Variants in ALS2CL observed in about 807,000 individuals in gnomAD.
ALS2CL encodes ALS2 C-terminal-like protein.
Under a neutral mutation model 127.9 loss-of-function variants are expected in ALS2CL, and 112 were observed. The ratio of observed to expected loss-of-function variants is 0.88; its 90% CI spans 0.75 to 1.02. The LOEUF is 1.02. Among genes scored for constraint, ALS2CL ranks in the 50% least tolerant of loss-of-function variants. ALS2CL has a pLI of 0.00. For missense variants in ALS2CL, 1,174 were observed against 1,236.7 expected (o/e 0.95, Z 0.76); for synonymous variants, 519 against 527.6 (o/e 0.98, Z 0.22).
At position 46,676,290 on chromosome 3, in the gene ALS2CL, T is replaced by A. The variant is rs765823874; in HGVS notation, c.2141A>T (p.Gln714Leu). The A allele has an allele frequency of 3.1e-6, 5 of 1,613,632 alleles. No individual in the cohort carries two copies. The highest frequency in any genetic ancestry group is 3.3e-5 in the Admixed American group (2 of 59,998). Residue 714 changes from glutamine (Q) to leucine (L), a missense_variant, in exon 19 of 26, where the codon CAG becomes CTG. By Grantham distance (113) the Gln-to-Leu change is moderately radical. Coordinates refer to ENST00000318962, the MANE Select transcript of ALS2CL (RefSeq NM_147129.5). The part of the protein sequence containing the change: ...GANKHLQELA[Q>L]EEVKQHAQEL... ...CTGGGCATGCTGCTTCACCTCCTCC[T>A]GGGCCAGCTCCTGCAGGTGCTTGTT...
intron 14 of ALS2CL, 35 bp downstream of exon 14, chr3:46,680,394 CA>C: frequency 6.3e-7 from 1 of 1,590,802 alleles, no homozygotes. Context: ...GAGTGGGGTG[CA>C]AAGAGAGGGA....
chr3:46,687,021 C>T lies in ALS2CL; in HGVS notation c.496G>A (p.Val166Met), dbSNP rs531434171. 3.7e-6 allele frequency: 6 copies of T among 1,605,296 alleles called. No homozygotes were observed. The highest frequency in any genetic ancestry group is 2.2e-5 in the East Asian group (1 of 44,792). The change falls in exon 5 of 26, where the codon GTG becomes ATG. Residue 166 changes from valine (V) to methionine (M), a missense_variant. Coordinates refer to ENST00000318962, the MANE Select transcript of ALS2CL (RefSeq NM_147129.5). ...TCCCCGAGGCTCAGCAGGAGGAGCA[C>T]GTACTGTTGCACGTGATGGGCGAGT... ...QPLAHHVQQYVLLLLSLGDTI... is the reference protein window; with the variant it reads ...QPLAHHVQQYMLLLLSLGDTI...
At chr3:46,684,683 A>T (rs1412115887) in intron 7 of ALS2CL, among the ~76,000 whole-genome samples, 1 of 152,194 alleles carries the variant, frequency 6.6e-6, no homozygotes, top group Non-Finnish European at 1.5e-5. Context: ...CAGGGACAAG[A>T]GATGGCCCAC....
In ALS2CL at chr3:46,686,141, G is replaced by A. The variant is rs1699751764; in HGVS notation, c.666+167C>T. 6.6e-6 allele frequency among the ~76,000 whole-genome samples: 1 copy of A among 152,162 alleles called. No homozygotes were observed. The highest frequency in any genetic ancestry group is 2.1e-4 in the South Asian group (1 of 4,834). ...CAGGACGTGCTCAGCAGACAGATAA[G>A]AATGGCTGGACAGAGGGACCTTACA... is the stretch of plus-strand genomic sequence containing the variant. On this transcript the variant is annotated intron_variant, in intron 6 of 25. Coordinates refer to ENST00000318962, the MANE Select transcript of ALS2CL (RefSeq NM_147129.5). The surrounding 1 kb of genome is among the most constrained non-coding windows in gnomAD (Gnocchi z 4.3).
chr3:46,686,523 C>T lies in ALS2CL; in HGVS notation c.535-84G>A. Reference sequence around the variant, plus strand: ...GTCCTGGTCCCGGCTGGTGGGGAGGCCTGAATCTAGGCCAGACCTTGCCCT... The same window carrying T: ...GTCCTGGTCCCGGCTGGTGGGGAGGTCTGAATCTAGGCCAGACCTTGCCCT... On this transcript the variant is annotated intron_variant, in intron 5 of 25. Transcript: ENST00000318962. This position sits in a 1 kb window ranked among gnomAD's most constrained non-coding sequence, Gnocchi z 4.3. The T allele has an allele frequency of 3.3e-6, 5 of 1,528,646 alleles. No individual in the cohort carries two copies. Among genetic ancestry groups the T allele is most frequent in the Non-Finnish European group, 4.4e-6 (5 of 1,133,372 alleles). The allele number at this position is 1,528,646 out of a possible 1,614,324, so 94.7% of individuals were successfully genotyped here. A position where few individuals can be genotyped will look rare whatever the true frequency, so the allele number is the denominator to read the frequency against.
At chr3:46,692,265 G>A (rs906220494) in intron 1 of ALS2CL, among the ~76,000 whole-genome samples, 10 of 152,154 alleles carry the variant, frequency 6.6e-5, no homozygotes, top group African/African-American at 2.2e-4. Context: ...GTGAGGCAGC[G>A]TGAATGTGCA....
At chr3:46,684,918 C>A (rs926772853) in intron 7 of ALS2CL, among the ~76,000 whole-genome samples, 1 of 152,162 alleles carries the variant, frequency 6.6e-6, no homozygotes, top group African/African-American at 2.4e-5. Context: ...GGGTTCCAGG[C>A]CAACCTTCTA....
Position 46,669,126 on chromosome 3 carries a change from G to A in ALS2CL, c.*1858C>T, listed in dbSNP as rs551647422. The A allele has an allele frequency of 6.6e-6, 1 of 152,226 alleles. No individual in the cohort carries two copies. Among genetic ancestry groups the A allele is most frequent in the South Asian group, 2.1e-4 (1 of 4,818 alleles). The allele number at this position is 152,226 out of a possible 1,614,324, so 9.4% of individuals were successfully genotyped here. On this transcript the variant is annotated 3_prime_UTR_variant, in exon 26 of 26. Coordinates refer to ENST00000318962, the MANE Select transcript of ALS2CL (RefSeq NM_147129.5). ...CGCTCACTGCAACCTCGACCCTCCA[G>A]GCTCAGGGATCTTCCCACCTCAGCC...
rs1010568044 is a variant in ALS2CL, at chr3:46,686,046, G to A, written c.666+262C>T. On this transcript the variant is annotated intron_variant, in intron 6 of 25. Transcript: ENST00000318962. This position sits in a 1 kb window ranked among gnomAD's most constrained non-coding sequence, Gnocchi z 4.3. The stretch of plus-strand genomic sequence containing the variant: ...TGGGCAGTGACGCAAGGGTGTGATC[G>A]GTGATATCCCCAGGGGAGAGGACTG... Among the ~76,000 whole-genome samples, 6 of 152,206 alleles carry A rather than the reference G, an allele frequency of 3.9e-5. No homozygotes were observed. The highest frequency in any genetic ancestry group is 1.9e-4 in the East Asian group (1 of 5,186).
At chr3:46,682,888 A>G (rs1012656212) in intron 10 of ALS2CL, among the ~76,000 whole-genome samples, 1 of 152,214 alleles carries the variant, frequency 6.6e-6, no homozygotes, top group African/African-American at 2.4e-5. Flanking sequence ...TGCAGGCTGT[A>G]AGGCCAGCGC....
At chr3:46,687,225 A>T (rs1699861573) in intron 4 of ALS2CL, 77 bp from the exon 5 acceptor site, 4 of 1,426,914 alleles carry the variant, frequency 2.8e-6, no homozygotes, top group Non-Finnish European at 2.8e-6. Context: ...TCCCTGCCCC[A>T]GCTAATCCCC....
rs1255395489 is a variant in ALS2CL, at chr3:46,681,905, G to A, written c.1175+124C>T. The A allele has an allele frequency of 8.1e-7, 1 of 1,237,292 alleles. No individual in the cohort carries two copies. The highest frequency in any genetic ancestry group is 1.5e-5 in the African/African-American group (1 of 67,526). The allele number at this position is 1,237,292 out of a possible 1,614,324, so 76.6% of individuals were successfully genotyped here. A position where few individuals can be genotyped will look rare whatever the true frequency, so the allele number is the denominator to read the frequency against. On this transcript the variant is annotated intron_variant, in intron 11 of 25. Transcript: ENST00000318962. The surrounding 1 kb of genome is among the most constrained non-coding windows in gnomAD (Gnocchi z 4.9). ...CAGTGGGCGGGGGCTGGACCGGATT[G>A]TCTCTAAGTTCCTGCTTGAGGTTTG...
At chr3:46,671,755 C>T in intron 24 of ALS2CL, 129 bp downstream of exon 24, 2 of 1,523,908 alleles carry the variant, frequency 1.3e-6, no homozygotes, top group Non-Finnish European at 1.8e-6. Flanking sequence ...TTTTCTGGGC[C>T]TTGGCTTCCC....
At chr3:46,685,392 G>A (rs373545202) in intron 7 of ALS2CL, 133 bp downstream of exon 7, 39 of 1,429,188 alleles carry the variant, frequency 2.7e-5, no homozygotes, top group East Asian at 2.4e-4. Context: ...CCAACACAAC[G>A]CCTTTCTATC....
At position 46,681,110 on chromosome 3, in the gene ALS2CL, A is replaced by G. The variant is rs759468534; in HGVS notation, c.1436+136T>C. The G allele has an allele frequency of 7.2e-7, 1 of 1,389,926 alleles. No individual in the cohort carries two copies. Among genetic ancestry groups the G allele is most frequent in the Admixed American group, 1.7e-5 (1 of 59,300 alleles). 86.1% of individuals were successfully genotyped at this position (1,389,926 alleles called of 1,614,324 possible). ...TCAGCCTGAGCCTCCGCAGCAACCG[A>G]GGGACTGGAGGGGAAGTGAGGGGCT... On this transcript the variant is annotated intron_variant, in intron 13 of 25. Coordinates refer to ENST00000318962, the MANE Select transcript of ALS2CL (RefSeq NM_147129.5). The surrounding 1 kb of genome is among the most constrained non-coding windows in gnomAD (Gnocchi z 4.9).
intron 16 of ALS2CL, 160 bp from the exon 17 acceptor site, chr3:46,677,182 C>T (rs911067209): frequency 2.1e-6 from 3 of 1,428,772 alleles, no homozygotes; most frequent in East Asian, 2.5e-5. Context: ...GGGCTGACCT[C>T]CACGGCTCCA....
rs374439773 is a variant in ALS2CL, at chr3:46,676,407, G to A, written c.2029-5C>T. On this transcript the variant is annotated splice_polypyrimidine_tract_variant and splice_region_variant and intron_variant, in intron 18 of 25. Transcript: ENST00000318962. ...GTGCAGTGAGTTGCTCAGAGCCTGG[G>A]CCAGTGCATAGGCAACAGAGAGAGA... 145 of 1,613,640 alleles carry A rather than the reference G, an allele frequency of 9.0e-5. No homozygotes were observed. The African/African-American group carries it at 1.8e-3, about 20-fold the overall frequency.
chr3:46,672,149 T>C lies in ALS2CL; in HGVS notation c.2525A>G (p.Gln842Arg). Residue 842 changes from glutamine to arginine, a missense_variant, in exon 23 of 26, where the codon CAG becomes CGG. Transcript: ENST00000318962. ...TACGGCTCACACTCACATGATCTTC[T>C]GCAGGCACTCGGTGGCTGACAGGAA... is the stretch of plus-strand genomic sequence containing the variant. ...KCFLSATECL[Q>R]KIMTTVDPRE... is the part of the protein sequence containing the mutation. 2 of 1,614,138 alleles carry C rather than the reference T, an allele frequency of 1.2e-6. No individual in the cohort carries two copies. The highest frequency in any genetic ancestry group is 1.7e-6 in the Non-Finnish European group (2 of 1,180,026).
rs781624866 is a variant in ALS2CL, at chr3:46,681,169, T to A, written c.1436+77A>T. On this transcript the variant is annotated intron_variant, in intron 13 of 25. Coordinates refer to ENST00000318962, the MANE Select transcript of ALS2CL (RefSeq NM_147129.5). This position sits in a 1 kb window ranked among gnomAD's most constrained non-coding sequence, Gnocchi z 4.9. ...ACACAGTGGGGGACAAACAGGAGCC[T>A]GTGTCCTGCAACAATCTGGTCTGTG... 8 of 1,596,510 alleles carry A rather than the reference T, an allele frequency of 5.0e-6. No individual in the cohort carries two copies. The highest frequency in any genetic ancestry group is 8.6e-7 in the Non-Finnish European group (1 of 1,165,402).
Sources: gnomAD v4.1 joint callset for allele counts (sites outside exome capture counted in the v4.1 genomes callset) on GRCh38, gnomAD v4.1.1 for gene constraint, Gnocchi (gnomAD v3.1) non-coding constraint, MANE v1.5 for transcripts, NCBI Gene and HGNC (gene_info 2026-07-23, HGNC 2026-07-21) for gene names.